Variants in AKAP10 observed in about 807,000 individuals in gnomAD.
The protein encoded by AKAP10 is A-kinase anchor protein 10, mitochondrial.
A neutral mutation model predicts 80.8 loss-of-function variants in AKAP10; 24 were observed. That is an observed-to-expected ratio of 0.30 (90% confidence interval 0.22 to 0.42). The LOEUF is 0.42. Among genes scored for constraint, AKAP10 ranks in the 10% least tolerant of loss-of-function variants. AKAP10 has a pLI of 1.00. For missense variants in AKAP10, 661 were observed against 794.9 expected (o/e 0.83, Z 2.03); for synonymous variants, 291 against 277.7 (o/e 1.05, Z -0.48).
intron 11 of AKAP10, among the ~76,000 whole-genome samples, chr17:19,923,850 GTAAT>G (rs984621313): frequency 6.6e-6 from 1 of 152,198 alleles, no homozygotes; most frequent in Non-Finnish European, 1.5e-5. Flanking sequence ...TCTACTGAAA[GTAAT>G]TAAATATGTT....
Position 19,905,582 on chromosome 17 carries a change from G to A in AKAP10, c.*645C>T, listed in dbSNP as rs1389972222. 6.6e-6 allele frequency: 1 copy of A among 152,598 alleles called. No homozygotes were observed. The highest frequency in any genetic ancestry group is 1.5e-5 in the Non-Finnish European group (1 of 68,048). 9.5% of individuals were successfully genotyped at this position (152,598 alleles called of 1,614,324 possible). ...TTAAGTATAGTGCATCTCAGGAGGA[G>A]GAATTAAAATGTGAAAACTATATAC... On this transcript the variant is annotated 3_prime_UTR_variant, in exon 15 of 15. Transcript: ENST00000225737.
chr17:19,954,487 C>CT (rs34866336), intron 4 of AKAP10, among the ~76,000 whole-genome samples: 32,921 of 140,352 alleles, frequency 0.23, 4,089 homozygotes, highest in Middle Eastern at 0.32. Flanking sequence ...AACCATAATA[C>CT]TTTTTTTTTT....
chr17:19,934,135 G>C (rs2042967540), intron 9 of AKAP10, among the ~76,000 whole-genome samples: 1 of 152,024 alleles, frequency 6.6e-6, no homozygotes, highest in South Asian at 2.1e-4. Flanking sequence ...TGGTCAGGCT[G>C]GTCTCAAACT....
intron 5 of AKAP10, 149 bp from the exon 6 acceptor site, chr17:19,942,059 T>TA: frequency 2.0e-6 from 1 of 490,948 alleles, no homozygotes; most frequent in Non-Finnish European, 3.3e-6. Flanking sequence ...CACTTGATCT[T>TA]AAAATAGAAA....
intron 5 of AKAP10, among the ~76,000 whole-genome samples, chr17:19,942,393 T>C (rs1399966673): frequency 1.3e-5 from 2 of 152,176 alleles, no homozygotes; most frequent in Non-Finnish European, 2.9e-5. Context: ...ACCTTTTATC[T>C]AGTAAACTGG....
At chr17:19,939,964 C>G in intron 7 of AKAP10, 115 bp from the exon 8 acceptor site, 1 of 1,160,776 alleles carries the variant, frequency 8.6e-7, no homozygotes, top group Non-Finnish European at 1.2e-6. Flanking sequence ...ACAAAAAGAT[C>G]TACTTCTTCT....
rs1022236156 is a variant in AKAP10, at chr17:19,956,549, A to C, written c.877+1465T>G. 2.0e-5 allele frequency among the ~76,000 whole-genome samples: 3 copies of C among 152,308 alleles called. 1 individual carries two copies. The highest frequency in any genetic ancestry group is 1.3e-4 in the Admixed American group (2 of 15,288). On this transcript the variant is annotated intron_variant, in intron 4 of 14. Transcript: ENST00000225737. The stretch of plus-strand genomic sequence containing the variant: ...CAAAAAATGATCCATAGAAATAAAA[A>C]ATTCAATAACTTTTTTTCTTTGTTT...
chr17:19,942,054 G>C (rs1261230317), intron 5 of AKAP10, 144 bp from the exon 6 acceptor site: 1 of 494,412 alleles, frequency 2.0e-6, no homozygotes, highest in Non-Finnish European at 3.3e-6. Flanking sequence ...GGTAACACTT[G>C]ATCTTAAAAT....
chr17:19,976,438 G>A (rs1410068207), intron 1 of AKAP10, among the ~76,000 whole-genome samples: 1 of 151,742 alleles, frequency 6.6e-6, no homozygotes, highest in Admixed American at 6.6e-5. Flanking sequence ...CCGAGACTGA[G>A]ATCGCGCCAT....
At position 19,962,907 on chromosome 17, in the gene AKAP10, T is replaced by C; in HGVS notation, c.252A>G (p.Ser84=). The change falls in exon 3 of 15, where the codon TCA becomes TCG. Residue 84 remains serine (S), a synonymous_variant. Coordinates refer to ENST00000225737, the MANE Select transcript of AKAP10 (RefSeq NM_007202.4). Reference sequence around the variant, plus strand: ...TCTTAAGTGTGGCTGTCCTGCTACTTGAAAAGGAGTCCATGTTGGCAGAAA... The same window carrying C: ...TCTTAAGTGTGGCTGTCCTGCTACTCGAAAAGGAGTCCATGTTGGCAGAAA... ...NAISANMDSF[S]SSRTATLKKQ... 2 of 1,614,120 alleles carry C rather than the reference T, an allele frequency of 1.2e-6. No homozygotes were observed. The highest frequency in any genetic ancestry group is 2.2e-5 in the South Asian group (2 of 91,076).
At chr17:19,965,135 T>C (rs986139474) in intron 2 of AKAP10, among the ~76,000 whole-genome samples, 3 of 152,232 alleles carry the variant, frequency 2.0e-5, no homozygotes, top group African/African-American at 7.2e-5. Context: ...GCACAATCTG[T>C]CTAAATATCA....
intron 6 of AKAP10, 113 bp from the exon 7 acceptor site, chr17:19,941,123 A>T: frequency 9.3e-7 from 1 of 1,076,768 alleles, no homozygotes; most frequent in Non-Finnish European, 1.3e-6. Flanking sequence ...CTAGGTCAAC[A>T]CTACCTTACT....
At chr17:19,932,134 T>C (rs1057198943) in intron 9 of AKAP10, among the ~76,000 whole-genome samples, 156 bp from the exon 10 acceptor site, 3 of 152,112 alleles carry the variant, frequency 2.0e-5, no homozygotes, top group African/African-American at 7.2e-5. Flanking sequence ...TATTATCCCT[T>C]TGTACAGTTT....
At position 19,909,976 on chromosome 17, in the gene AKAP10, A is replaced by T. The variant is rs750498515; in HGVS notation, c.1837T>A (p.Ser613Thr). The T allele has an allele frequency of 2.5e-6, 4 of 1,613,542 alleles. No individual in the cohort carries two copies. Among genetic ancestry groups the T allele is most frequent in the Non-Finnish European group, 3.4e-6 (4 of 1,179,728 alleles). Residue 613 changes from serine to threonine, a missense_variant and splice_region_variant, in exon 13 of 15, where the codon TCC (serine) becomes ACC (threonine). Physicochemically the swap from Ser to Thr is moderately conservative, Grantham distance 58 (BLOSUM62 1). Transcript: ENST00000225737. ...TTCTTCATAGCTTGTGAGAACATGG[A>T]TCCTAGTAAACAAAGACAAAATTGA... Reference protein sequence around the residue: ...PEPDVRKSKGSMFSQAMKKWV... With the variant: ...PEPDVRKSKGTMFSQAMKKWV...
rs71157846 is a variant in AKAP10, at chr17:19,946,275, ATTTTTTTTTTTT to A, written c.976+1120_976+1131del. On this transcript the variant is annotated intron_variant, in intron 5 of 14. Coordinates refer to ENST00000225737, the MANE Select transcript of AKAP10 (RefSeq NM_007202.4). Reference sequence around the variant, plus strand: ...TATATATATATATATATATATATATATTTTTTTTTTTTTTTTTTTTTTTTGGCAGGGGGTGAG... The same window carrying A: ...TATATATATATATATATATATATATATTTTTTTTTTTTGGCAGGGGGTGAG... Among the ~76,000 whole-genome samples, 85 of 12,922 alleles carry A rather than the reference ATTTTTTTTTTTT, an allele frequency of 6.6e-3. 1 individual carries two copies. Among genetic ancestry groups the A allele is most frequent in the East Asian group, 0.021 (5 of 236 alleles). The allele number at this position is 12,922 out of a possible 152,430, so 8.5% of individuals were successfully genotyped here.
At chr17:19,913,660 A>C (rs1053527109) in intron 12 of AKAP10, among the ~76,000 whole-genome samples, 1 of 152,232 alleles carries the variant, frequency 6.6e-6, no homozygotes, top group Non-Finnish European at 1.5e-5. Context: ...TTAGCTTGAA[A>C]GTGCTAAGAA....
chr17:19,968,230 T>G (rs2043447808), intron 2 of AKAP10, among the ~76,000 whole-genome samples, 184 bp downstream of exon 2: 1 of 148,692 alleles, frequency 6.7e-6, no homozygotes, highest in South Asian at 2.1e-4. Context: ...AAAGCCTACT[T>G]ATTATATGCT....
At chr17:19,919,200 GT>G in intron 12 of AKAP10, among the ~76,000 whole-genome samples, 1 of 151,828 alleles carries the variant, frequency 6.6e-6, no homozygotes, top group Non-Finnish European at 1.5e-5. Context: ...CCTTGAGACA[GT>G]TTGCTCAGAA....
At chr17:19,944,521 G>T (rs925686033) in intron 5 of AKAP10, among the ~76,000 whole-genome samples, 1 of 152,136 alleles carries the variant, frequency 6.6e-6, no homozygotes, top group Admixed American at 6.5e-5. Context: ...CAGGCGTGGT[G>T]GCGAGCGCCT....
Sources: gnomAD v4.1 joint callset for allele counts (sites outside exome capture counted in the v4.1 genomes callset) on GRCh38, gnomAD v4.1.1 for gene constraint, MANE v1.5 for transcripts, NCBI Gene and HGNC (gene_info 2026-07-23, HGNC 2026-07-21) for gene names.